The following LARP1 variants were observed in gnomAD, a reference collection of about 807,000 sequenced individuals.
LARP1 encodes la-related protein 1.
Under a neutral mutation model 122.7 loss-of-function variants are expected in LARP1, and 36 were observed. The observed-to-expected ratio is 0.29, with a 90% confidence interval of 0.22 to 0.39. The LOEUF (loss-of-function observed/expected upper bound fraction) is 0.39, where lower values mean the gene tolerates loss of function less well. Among genes scored for constraint, LARP1 ranks in the 10% least tolerant of loss-of-function variants. LARP1 has a pLI of 1.00. For synonymous variants in LARP1, 539 were observed against 528.7 expected, an observed-to-expected ratio of 1.02 and a Z score of -0.27; for missense variants, 1,040 against 1,403.6, an observed-to-expected ratio of 0.74 and a Z score of 4.14.
chr5:154,736,058 T>G (rs1275187817), intron 1 of LARP1, among the ~76,000 whole-genome samples: 2 of 151,972 alleles, frequency 1.3e-5, no homozygotes, highest in Non-Finnish European at 1.5e-5. Flanking sequence ...TAGCTGGGAC[T>G]ACAGGTGTTC....
rs1296466179 is a variant in LARP1, at chr5:154,685,651, G to A, written c.-180+2614G>A. On this transcript the variant is annotated intron_variant, in intron 1 of 18. Coordinates refer to the LARP1 transcript ENST00000687700. ...TAGGGGTGAACTAAACGCTGCCTCT[G>A]CTAGTCTATACGATGCCTTTGTGCA... 1.2e-4 allele frequency: 42 copies of A among 336,822 alleles called. No homozygotes were observed. In the Admixed American group the frequency reaches 1.8e-3, roughly 14 times the overall value. The allele number at this position is 336,822 out of a possible 1,614,324, so 20.9% of individuals were successfully genotyped here.
intron 1 of LARP1, among the ~76,000 whole-genome samples, chr5:154,733,814 C>T (rs942620374): frequency 3.3e-5 from 5 of 152,114 alleles, no homozygotes; most frequent in African/African-American, 1.2e-4. Context: ...TCGCCCACCT[C>T]GGCCTCTTAA....
intron 1 of LARP1, among the ~76,000 whole-genome samples, chr5:154,776,905 C>A (rs1246981662): frequency 2.0e-5 from 3 of 152,172 alleles, no homozygotes; most frequent in African/African-American, 7.2e-5. Context: ...TTTTTCTTTT[C>A]AAGTAATTTA....
chr5:154,796,034 ATATATATTATATATT>A (rs1351130696), intron 8 of LARP1, among the ~76,000 whole-genome samples: 64 of 106,580 alleles, frequency 6.0e-4, no homozygotes, highest in Middle Eastern at 4.1e-3. Flanking sequence ...ATATATTTTT[ATATATATTATATATT>A]TATATATTAT....
intron 1 of LARP1, among the ~76,000 whole-genome samples, chr5:154,761,151 A>G (rs1207217426): frequency 1.3e-5 from 2 of 152,244 alleles, no homozygotes; most frequent in Non-Finnish European, 2.9e-5. Context: ...CACCCTTTGA[A>G]GGGGAGAGTG....
At chr5:154,701,252 T>C (rs781556683) in intron 1 of LARP1, among the ~76,000 whole-genome samples, 9 of 152,168 alleles carry the variant, frequency 5.9e-5, no homozygotes, top group Non-Finnish European at 1.2e-4. Context: ...AACGCCCCAT[T>C]GCCCTCTGGG....
intron 16 of LARP1, among the ~76,000 whole-genome samples, chr5:154,808,967 C>T (rs556337200): frequency 1.3e-5 from 2 of 152,150 alleles, no homozygotes; most frequent in Admixed American, 6.5e-5. Flanking sequence ...AGCTGGCCTA[C>T]GTTATAATAT....
rs189848471 is a variant in LARP1, at chr5:154,703,452, C to G, written c.-180+20415C>G. On this transcript the variant is annotated intron_variant, in intron 1 of 18. Coordinates refer to the LARP1 transcript ENST00000687700. Reference sequence around the variant, plus strand: ...ACTGTGGCCATTTTTGTAATCTATGCTCATTTATTCATTCAACAGGCTGGG... The same window carrying G: ...ACTGTGGCCATTTTTGTAATCTATGGTCATTTATTCATTCAACAGGCTGGG... Among the ~76,000 whole-genome samples, 21 of 152,066 alleles carry G rather than the reference C, an allele frequency of 1.4e-4. No individual in the cohort carries two copies. The East Asian group carries it at 3.9e-3, about 28-fold the overall frequency.
chr5:154,697,215 T>TC (rs921038323), intron 1 of LARP1, among the ~76,000 whole-genome samples: 6 of 151,486 alleles, frequency 4.0e-5, no homozygotes, highest in East Asian at 3.9e-4. Context: ...TTTTTTTTTT[T>TC]TTCTTCTCTT....
chr5:154,737,041 T>C (rs1756939475), intron 1 of LARP1, among the ~76,000 whole-genome samples: 1 of 152,076 alleles, frequency 6.6e-6, no homozygotes, highest in Non-Finnish European at 1.5e-5. Flanking sequence ...AATAAATGTG[T>C]TGTTTTTTTG....
chr5:154,706,739 A>C (rs554319512), intron 1 of LARP1, among the ~76,000 whole-genome samples: 1 of 152,248 alleles, frequency 6.6e-6, no homozygotes, highest in Admixed American at 6.5e-5. Context: ...AAAAAAAAAA[A>C]ACAAAAAACT....
chr5:154,734,054 C>T (rs369668472), intron 1 of LARP1, among the ~76,000 whole-genome samples: 84 of 151,856 alleles, frequency 5.5e-4, no homozygotes, highest in African/African-American at 1.9e-3. Flanking sequence ...GTAATCCCAG[C>T]TTCTTGGGAG....
intron 1 of LARP1, among the ~76,000 whole-genome samples, chr5:154,695,741 C>T (rs1167478708): frequency 1.3e-5 from 2 of 151,952 alleles, no homozygotes; most frequent in East Asian, 1.9e-4. Flanking sequence ...GGCGTGGTGA[C>T]GCATACCTGT....
intron 1 of LARP1, among the ~76,000 whole-genome samples, chr5:154,693,830 T>C: frequency 6.8e-6 from 1 of 146,134 alleles, no homozygotes. Context: ...CACTCCAGCC[T>C]GGGCGACAGA....
chr5:154,722,741 C>T (rs189905814), intron 1 of LARP1, among the ~76,000 whole-genome samples: 65 of 142,538 alleles, frequency 4.6e-4, no homozygotes, highest in Admixed American at 2.6e-3. Flanking sequence ...AGTGCAGTGG[C>T]GCTATCTCAG....
intron 1 of LARP1, among the ~76,000 whole-genome samples, chr5:154,761,908 G>A (rs372011315): frequency 3.1e-4 from 47 of 152,092 alleles, no homozygotes; most frequent in African/African-American, 1.1e-3. Flanking sequence ...TGTTTAGAGC[G>A]TCAAATTGCT....
At chr5:154,781,434 T>G (rs572770565) in intron 1 of LARP1, among the ~76,000 whole-genome samples, 268 of 151,642 alleles carry the variant, frequency 1.8e-3, no homozygotes, top group Non-Finnish European at 2.9e-3. Context: ...CTACTAAAAA[T>G]ACAAAAAAAT....
At chr5:154,690,591 A>G (rs1289765051) in intron 1 of LARP1, among the ~76,000 whole-genome samples, 1 of 152,214 alleles carries the variant, frequency 6.6e-6, no homozygotes, top group Non-Finnish European at 1.5e-5. Flanking sequence ...GCCCGGCCCC[A>G]GAGCGAGACC....
intron 1 of LARP1, among the ~76,000 whole-genome samples, chr5:154,698,170 G>A (rs890992500): frequency 6.6e-6 from 1 of 152,154 alleles, no homozygotes; most frequent in African/African-American, 2.4e-5. Flanking sequence ...ATGGTAAACA[G>A]CGTGATATTT....
Sources: gnomAD v4.1 joint callset for allele counts (sites outside exome capture counted in the v4.1 genomes callset) on GRCh38, gnomAD v4.1.1 for gene constraint, MANE v1.5 for transcripts, NCBI Gene and HGNC (gene_info 2026-07-23, HGNC 2026-07-21) for gene names.